The following IQCE variants were observed in gnomAD, a reference collection of about 807,000 sequenced individuals.
IQCE encodes the protein IQ motif containing E.
In IQCE, 115 loss-of-function variants were observed where a neutral mutation model predicts 96.0. That is an observed-to-expected ratio of 1.20 (90% confidence interval 1.03 to 1.40). IQCE has a LOEUF of 1.40. IQCE is among the 40% of genes most tolerant of loss of function. IQCE has a pLI of 0.00. For missense variants in IQCE, 1,041 were observed against 909.1 expected (o/e 1.15, Z -1.87); for synonymous variants, 412 against 371.2 (o/e 1.11, Z -1.26).
At chr7:2,598,382 C>G in intron 16 of IQCE, 83 bp from the exon 17 acceptor site, 1 of 1,343,320 alleles carries the variant, frequency 7.4e-7, no homozygotes, top group Non-Finnish European at 1.0e-6. Context: ...CGCACCATGC[C>G]GGGTAATATC....
At chr7:2,559,297 C>CA (rs1780737172) in intron 1 of IQCE, 80 bp downstream of exon 1, 2 of 876,208 alleles carry the variant, frequency 2.3e-6, no homozygotes, top group African/African-American at 1.8e-5. Context: ...GCCTCGGGGC[C>CA]CCGCGCAGGG....
chr7:2,578,978 G>C (rs1197468040), intron 8 of IQCE, among the ~76,000 whole-genome samples: 2 of 151,284 alleles, frequency 1.3e-5, no homozygotes, highest in Non-Finnish European at 2.9e-5. Context: ...AGAATTGCTT[G>C]AACCTGTATG....
chr7:2,579,154 T>C lies in IQCE; in HGVS notation c.630+628T>C, dbSNP rs28707092. Among the ~76,000 whole-genome samples the C allele has an allele frequency of 6.2e-3, 935 of 151,674 alleles. 7 individuals carry two copies. Among genetic ancestry groups the C allele is most frequent in the African/African-American group, 0.022 (904 of 41,316 alleles). On this transcript the variant is annotated intron_variant, in intron 8 of 21. Coordinates refer to ENST00000402050, the MANE Select transcript of IQCE (RefSeq NM_152558.5). Reference sequence around the variant, plus strand: ...ATACTATGTGACAATATGTAAGAAGTTGAATGAAATGGAAGCAGGGAAGAT... The same window carrying C: ...ATACTATGTGACAATATGTAAGAAGCTGAATGAAATGGAAGCAGGGAAGAT...
intron 8 of IQCE, among the ~76,000 whole-genome samples, chr7:2,580,733 AAAAG>A (rs774025226): frequency 3.4e-4 from 52 of 152,368 alleles, no homozygotes; most frequent in African/African-American, 1.1e-3. Flanking sequence ...AGAATAAAAA[AAAAG>A]AAAGATGCAG....
Position 2,614,234 on chromosome 7 carries a change from A to G in IQCE, c.*4072A>G, listed in dbSNP as rs1583536936. On this transcript the variant is annotated 3_prime_UTR_variant, in exon 22 of 22. Coordinates refer to ENST00000402050, the MANE Select transcript of IQCE (RefSeq NM_152558.5). ...TTTTGAGGAATAAAAACCTGCAGAA[A>G]GCACCGATAACCTTCAAGATCTGAA... 1 of 152,372 alleles carries G rather than the reference A, an allele frequency of 6.6e-6. No homozygotes were observed. Among genetic ancestry groups the G allele is most frequent in the Non-Finnish European group, 1.5e-5 (1 of 68,040 alleles). 9.4% of individuals were successfully genotyped at this position (152,372 alleles called of 1,614,324 possible).
chr7:2,562,275 A>C (rs1170283264), intron 1 of IQCE, among the ~76,000 whole-genome samples: 1 of 135,424 alleles, frequency 7.4e-6, no homozygotes, highest in African/African-American at 3.1e-5. Flanking sequence ...TACCAGTACC[A>C]ATTAGGGTAC....
intron 6 of IQCE, among the ~76,000 whole-genome samples, chr7:2,577,000 G>C (rs1342668415): frequency 6.6e-6 from 1 of 152,154 alleles, no homozygotes; most frequent in African/African-American, 2.4e-5. Context: ...TGGTATCTAG[G>C]GTGGGACCGT....
intron 5 of IQCE, 111 bp from the exon 6 acceptor site, chr7:2,573,307 T>G (rs1478426018): frequency 1.6e-6 from 1 of 643,118 alleles, no homozygotes; most frequent in Non-Finnish European, 2.8e-6. Context: ...TTTTATTTTC[T>G]TCTTTTTTAA....
At chr7:2,604,300 G>C (rs144361369) in intron 18 of IQCE, among the ~76,000 whole-genome samples, 1 of 151,962 alleles carries the variant, frequency 6.6e-6, no homozygotes, top group Non-Finnish European at 1.5e-5. Context: ...CTGTAGAGAC[G>C]AGGTCTTGCT....
chr7:2,586,462 G>A, intron 12 of IQCE, 91 bp downstream of exon 12: 1 of 1,350,460 alleles, frequency 7.4e-7, no homozygotes, highest in Non-Finnish European at 1.0e-6. Context: ...CTGAGGACAG[G>A]CACCACGAGG....
At chr7:2,576,809 A>T (rs1205547308) in intron 6 of IQCE, among the ~76,000 whole-genome samples, 1 of 152,244 alleles carries the variant, frequency 6.6e-6, no homozygotes, top group Non-Finnish European at 1.5e-5. Context: ...GTAACTGAGG[A>T]TGAGCATTTG....
chr7:2,592,194 C>T (rs984435112), intron 14 of IQCE, among the ~76,000 whole-genome samples: 8 of 152,224 alleles, frequency 5.3e-5, no homozygotes, highest in African/African-American at 1.7e-4. Context: ...GCCAACCCGT[C>T]ACCACTGTCC....
At chr7:2,598,891 C>T (rs192621503) in intron 17 of IQCE, among the ~76,000 whole-genome samples, 1 of 152,362 alleles carries the variant, frequency 6.6e-6, no homozygotes, top group Non-Finnish European at 1.5e-5. Context: ...AAGTTTTAGA[C>T]GTTATGAAAC....
intron 1 of IQCE, among the ~76,000 whole-genome samples, chr7:2,561,264 A>G (rs1780932199): frequency 6.6e-6 from 1 of 151,586 alleles, no homozygotes; most frequent in Admixed American, 6.6e-5. Flanking sequence ...AGCCCTATGT[A>G]GATCTTTGAT....
At chr7:2,573,301 A>ATTTTTTT in intron 5 of IQCE, 117 bp from the exon 6 acceptor site, 1 of 631,302 alleles carries the variant, frequency 1.6e-6, no homozygotes. Flanking sequence ...TGGCTTTTTT[A>ATTTTTTT]TTTTCTTCTT....
chr7:2,579,041 CAAAA>C (rs759979729), intron 8 of IQCE, among the ~76,000 whole-genome samples: 2 of 113,700 alleles, frequency 1.8e-5, no homozygotes, highest in Admixed American at 9.0e-5. Context: ...CCTGGGTGAC[CAAAA>C]AAAAAAAAAA....
chr7:2,609,035 C>T (rs905436653), intron 21 of IQCE, among the ~76,000 whole-genome samples: 5 of 152,180 alleles, frequency 3.3e-5, no homozygotes, highest in African/African-American at 1.2e-4. Context: ...TTTTTACTTT[C>T]GTCTTTCAAG....
intron 1 of IQCE, among the ~76,000 whole-genome samples, chr7:2,560,211 G>A (rs1339428252): frequency 1.3e-5 from 2 of 152,008 alleles, no homozygotes; most frequent in African/African-American, 2.4e-5. Context: ...ATCATATCAC[G>A]GCCCTCCAGC....
At chr7:2,564,589 T>G (rs1448416292) in intron 1 of IQCE, among the ~76,000 whole-genome samples, 2 of 151,974 alleles carry the variant, frequency 1.3e-5, no homozygotes, top group African/African-American at 4.8e-5. Flanking sequence ...CAAGGCGAGA[T>G]TCTGTCTCAA....
Sources: gnomAD v4.1 joint callset for allele counts (sites outside exome capture counted in the v4.1 genomes callset) on GRCh38, gnomAD v4.1.1 for gene constraint, MANE v1.5 for transcripts, NCBI Gene and HGNC (gene_info 2026-07-23, HGNC 2026-07-21) for gene names.